Variants in GAS2 observed in about 807,000 individuals in gnomAD.
The protein encoded by GAS2 is growth arrest-specific protein 2.
GAS2 carries 20 observed loss-of-function variants against 37.5 expected under a neutral mutation model. That is an observed-to-expected ratio of 0.53 (90% confidence interval 0.37 to 0.77). The LOEUF is 0.77. Among genes scored for constraint, GAS2 ranks in the 30% least tolerant of loss-of-function variants. The pLI is 0.00. For synonymous variants in GAS2, 144 were observed against 132.2 expected (o/e 1.09, Z -0.61); for missense variants, 336 against 373.4 (o/e 0.90, Z 0.82).
intron 1 of GAS2, among the ~76,000 whole-genome samples, chr11:22,645,171 G>T (rs1016320709): frequency 6.6e-6 from 1 of 151,942 alleles, no homozygotes; most frequent in Admixed American, 6.6e-5. Flanking sequence ...AGAATTGTAG[G>T]GTAGAAGACG....
intron 1 of GAS2, among the ~76,000 whole-genome samples, chr11:22,670,502 T>G (rs380243): frequency 0.33 from 50,437 of 152,040 alleles, 9,207 homozygotes; most frequent in African/African-American, 0.51. Context: ...TTTTCTTAAT[T>G]ATTTAGAGTT....
intron 1 of GAS2, among the ~76,000 whole-genome samples, chr11:22,642,564 G>T (rs1318997271): frequency 6.6e-6 from 1 of 152,088 alleles, no homozygotes; most frequent in Non-Finnish European, 1.5e-5. Context: ...GAAAATTATA[G>T]AATGTAATAG....
chr11:22,792,649 G>T (rs1460328192), intron 7 of GAS2, among the ~76,000 whole-genome samples: 4 of 152,150 alleles, frequency 2.6e-5, no homozygotes, highest in African/African-American at 9.7e-5. Flanking sequence ...CGTTATGTAT[G>T]GCTTTTATAA....
intron 1 of GAS2, among the ~76,000 whole-genome samples, chr11:22,654,376 C>T (rs1467566620): frequency 6.6e-6 from 1 of 151,522 alleles, no homozygotes; most frequent in Non-Finnish European, 1.5e-5. Flanking sequence ...TCCTTCCCTC[C>T]CTCCCTCTCT....
intron 3 of GAS2, among the ~76,000 whole-genome samples, chr11:22,689,105 C>A (rs1850108284): frequency 6.6e-6 from 1 of 151,974 alleles, no homozygotes; most frequent in Non-Finnish European, 1.5e-5. Flanking sequence ...AACAGGAGAA[C>A]AAAAGACACT....
At chr11:22,704,751 A>G (rs576278204) in intron 3 of GAS2, among the ~76,000 whole-genome samples, 1 of 151,776 alleles carries the variant, frequency 6.6e-6, no homozygotes, top group East Asian at 1.9e-4. Flanking sequence ...TTTTTACAGA[A>G]TAAACAAAAT....
At chr11:22,801,526 A>G (rs908702661) in intron 7 of GAS2, among the ~76,000 whole-genome samples, 3 of 152,062 alleles carry the variant, frequency 2.0e-5, no homozygotes, top group African/African-American at 7.2e-5. Flanking sequence ...TCAGTAAAAC[A>G]TAGATAGTGA....
Position 22,749,225 on chromosome 11 carries a change from T to C in GAS2, c.579T>C (p.Ser193=). ...CACCTTCTCCTTCATCAAAGTCTTCTGGAAAAAAGAGTACAGGAAACTTAC... is the reference window on the plus strand; with the variant it reads ...CACCTTCTCCTTCATCAAAGTCTTCCGGAAAAAAGAGTACAGGAAACTTAC... The part of the protein sequence containing the change: ...SPSPSPSSKS[S]GKKSTGNLLD... The change falls in exon 6 of 8, where the codon TCT becomes TCC. Residue 193 remains serine, a synonymous_variant. Coordinates refer to ENST00000454584, the MANE Select transcript of GAS2 (RefSeq NM_001143830.3). The C allele has an allele frequency of 6.2e-7, 1 of 1,612,150 alleles. No individual in the cohort carries two copies. Among genetic ancestry groups the C allele is most frequent in the Non-Finnish European group, 8.5e-7 (1 of 1,178,980 alleles).
chr11:22,652,742 C>T (rs984312692), intron 1 of GAS2, among the ~76,000 whole-genome samples: 13 of 152,210 alleles, frequency 8.5e-5, no homozygotes, highest in South Asian at 2.1e-4. Context: ...TGACCCCTTG[C>T]GCTTCCCCAG....
At chr11:22,784,169 G>C (rs1564887239) in intron 7 of GAS2, among the ~76,000 whole-genome samples, 1 of 152,152 alleles carries the variant, frequency 6.6e-6, no homozygotes, top group Non-Finnish European at 1.5e-5. Context: ...TTCTATGTGT[G>C]TGAAAAATGA....
intron 3 of GAS2, among the ~76,000 whole-genome samples, chr11:22,693,437 G>T (rs2133981341): frequency 6.6e-6 from 1 of 152,122 alleles, no homozygotes; most frequent in African/African-American, 2.4e-5. Context: ...TTTTTTTACT[G>T]ATTTTCATTG....
intron 3 of GAS2, among the ~76,000 whole-genome samples, chr11:22,710,143 C>T (rs1851329738): frequency 6.6e-6 from 1 of 151,666 alleles, no homozygotes; most frequent in African/African-American, 2.4e-5. Flanking sequence ...GCACATGTAC[C>T]CTAAAACTTA....
At chr11:22,761,535 A>T (rs576687905) in intron 7 of GAS2, among the ~76,000 whole-genome samples, 5 of 152,264 alleles carry the variant, frequency 3.3e-5, no homozygotes, top group Admixed American at 2.0e-4. Context: ...CTACCCTAAT[A>T]TTGTACCTTA....
upstream of GAS2, among the ~76,000 whole-genome samples, chr11:22,662,844 C>A (rs1848929920): frequency 6.6e-6 from 1 of 151,888 alleles, no homozygotes; most frequent in East Asian, 1.9e-4. Flanking sequence ...CATAGTGGGA[C>A]TGTGTCCCTG....
intron 5 of GAS2, among the ~76,000 whole-genome samples, chr11:22,742,452 C>A (rs971677443): frequency 6.6e-6 from 1 of 152,116 alleles, no homozygotes; most frequent in Non-Finnish European, 1.5e-5. Context: ...CTTGCAGGTG[C>A]AAGCCCCCAA....
At chr11:22,710,287 A>G (rs1202771688) in intron 3 of GAS2, among the ~76,000 whole-genome samples, 1 of 152,184 alleles carries the variant, frequency 6.6e-6, no homozygotes. Flanking sequence ...TCTATTAAAA[A>G]ATCTTTGAAC....
chr11:22,636,425 CTT>C (rs1858822268), intron 1 of GAS2, among the ~76,000 whole-genome samples: 1 of 152,118 alleles, frequency 6.6e-6, no homozygotes, highest in Non-Finnish European at 1.5e-5. Context: ...TTGTGGCTGT[CTT>C]TTAATATGAA....
chr11:22,628,207 A>T (rs1858690312), intron 1 of GAS2, among the ~76,000 whole-genome samples: 1 of 152,190 alleles, frequency 6.6e-6, no homozygotes, highest in African/African-American at 2.4e-5. Flanking sequence ...GGATACAAAA[A>T]CTTAATTATA....
chr11:22,648,310 T>G (rs1309438545), intron 1 of GAS2, among the ~76,000 whole-genome samples: 1 of 152,214 alleles, frequency 6.6e-6, no homozygotes, highest in East Asian at 1.9e-4. Flanking sequence ...AATACCATGC[T>G]GTTTTGGTTA....
Sources: gnomAD v4.1 joint callset for allele counts (sites outside exome capture counted in the v4.1 genomes callset) on GRCh38, gnomAD v4.1.1 for gene constraint, MANE v1.5 for transcripts, NCBI Gene and HGNC (gene_info 2026-07-23, HGNC 2026-07-21) for gene names.